The following TMEM178B variants were observed in gnomAD, a reference collection of about 807,000 sequenced individuals.
The protein encoded by TMEM178B is transmembrane protein 178B.
A neutral mutation model predicts 31.0 loss-of-function variants in TMEM178B; 5 were observed. The ratio of observed to expected loss-of-function variants is 0.16; its 90% confidence interval spans 0.08 to 0.34. TMEM178B has a LOEUF of 0.34. Among genes scored for constraint, TMEM178B ranks in the 10% least tolerant of loss-of-function variants. The pLI is 1.00. For synonymous variants in TMEM178B, 164 were observed against 164.0 expected (o/e 1.00, Z 0.00); for missense variants, 275 against 400.3 (o/e 0.69, Z 2.67).
chr7:141,192,942 A>G (rs951761324), intron 1 of TMEM178B, among the ~76,000 whole-genome samples: 4 of 152,174 alleles, frequency 2.6e-5, no homozygotes, highest in African/African-American at 9.7e-5. Context: ...TATTTTAAAA[A>G]TCTTAATGTA....
chr7:141,424,564 T>C (rs758056903), intron 2 of TMEM178B, among the ~76,000 whole-genome samples: 1 of 152,196 alleles, frequency 6.6e-6, no homozygotes, highest in African/African-American at 2.4e-5. Context: ...TGGAATTTTT[T>C]AAAAACAATA....
intron 1 of TMEM178B, among the ~76,000 whole-genome samples, chr7:141,090,492 C>G (rs1794864613): frequency 6.6e-6 from 1 of 152,234 alleles, no homozygotes; most frequent in Non-Finnish European, 1.5e-5. Flanking sequence ...AGAGCAGCCT[C>G]CTCATATCTC....
At chr7:141,338,031 G>A (rs1353517159) in intron 2 of TMEM178B, among the ~76,000 whole-genome samples, 1 of 152,136 alleles carries the variant, frequency 6.6e-6, no homozygotes, top group East Asian at 1.9e-4. Context: ...TAGAGATGGG[G>A]TTTCACCAGG....
chr7:141,324,640 TC>T, intron 2 of TMEM178B, among the ~76,000 whole-genome samples: 1 of 151,728 alleles, frequency 6.6e-6, no homozygotes, highest in East Asian at 1.9e-4. Context: ...ACAGGTTGCC[TC>T]CCGGTTTTGA....
chr7:141,093,506 G>A (rs1223172035), intron 1 of TMEM178B, among the ~76,000 whole-genome samples: 1 of 152,220 alleles, frequency 6.6e-6, no homozygotes, highest in Non-Finnish European at 1.5e-5. Flanking sequence ...TGGGGGAGAA[G>A]TCTCACTGGG....
At chr7:141,199,453 T>G (rs768129782) in intron 1 of TMEM178B, among the ~76,000 whole-genome samples, 1 of 152,174 alleles carries the variant, frequency 6.6e-6, no homozygotes, top group Admixed American at 6.5e-5. Context: ...TCGGCATAAT[T>G]TGGGGAAGAT....
At chr7:141,396,717 G>A (rs1165487287) in intron 2 of TMEM178B, among the ~76,000 whole-genome samples, 2 of 152,184 alleles carry the variant, frequency 1.3e-5, no homozygotes, top group South Asian at 2.1e-4. Context: ...ACAGACAGTG[G>A]GCACAGTGAC....
intron 2 of TMEM178B, among the ~76,000 whole-genome samples, chr7:141,266,276 C>G (rs1453168852): frequency 6.6e-6 from 1 of 152,172 alleles, no homozygotes; most frequent in Non-Finnish European, 1.5e-5. Flanking sequence ...CAGAAGCCAC[C>G]TGGACCATGA....
chr7:141,389,938 C>T (rs1338969280), intron 2 of TMEM178B, among the ~76,000 whole-genome samples: 7 of 152,074 alleles, frequency 4.6e-5, no homozygotes, highest in Non-Finnish European at 1.0e-4. Flanking sequence ...AATGTGGCTG[C>T]TTTGGAAACC....
At chr7:141,298,478 A>G (rs1798672332) in intron 2 of TMEM178B, among the ~76,000 whole-genome samples, 1 of 152,224 alleles carries the variant, frequency 6.6e-6, no homozygotes, top group African/African-American at 2.4e-5. Flanking sequence ...TGTGAACTCC[A>G]ATAGAGTAGC....
At chr7:141,409,689 A>G (rs1430757981) in intron 2 of TMEM178B, among the ~76,000 whole-genome samples, 2 of 151,636 alleles carry the variant, frequency 1.3e-5, no homozygotes, top group Non-Finnish European at 2.9e-5. Flanking sequence ...GAGTTCCTCC[A>G]GTACGCAAAC....
chr7:141,499,059 G>T, the TMEM178B span, among the ~76,000 whole-genome samples: 1 of 152,128 alleles, frequency 6.6e-6, no homozygotes, highest in Non-Finnish European at 1.5e-5. Flanking sequence ...GCCACCATAC[G>T]CATGCACCAT....
At chr7:141,127,424 T>G (rs1219002241) in intron 1 of TMEM178B, among the ~76,000 whole-genome samples, 1 of 152,148 alleles carries the variant, frequency 6.6e-6, no homozygotes, top group Non-Finnish European at 1.5e-5. Context: ...ATCCTGGATT[T>G]GGGGTGAGCC....
At chr7:141,495,160 G>A in the TMEM178B span, among the ~76,000 whole-genome samples, 426 of 152,296 alleles carry the variant, frequency 2.8e-3, 5 homozygotes, top group African/African-American at 9.8e-3. Flanking sequence ...TCCCAAAATA[G>A]ATTTCAGAGC....
chr7:141,292,468 GCTC>G (rs1423343103), intron 2 of TMEM178B, among the ~76,000 whole-genome samples: 13 of 152,094 alleles, frequency 8.5e-5, no homozygotes. Flanking sequence ...GCCCTTGCAA[GCTC>G]ATCTCCCTGG....
intron 2 of TMEM178B, among the ~76,000 whole-genome samples, chr7:141,389,215 G>A (rs1407124547): frequency 6.6e-6 from 1 of 152,200 alleles, no homozygotes; most frequent in Non-Finnish European, 1.5e-5. Flanking sequence ...AGTACAGAAT[G>A]CATAGTAAAA....
At chr7:141,149,645 C>T (rs992534634) in intron 1 of TMEM178B, among the ~76,000 whole-genome samples, 1 of 152,068 alleles carries the variant, frequency 6.6e-6, no homozygotes, top group Non-Finnish European at 1.5e-5. Flanking sequence ...TCCTTATAAG[C>T]AGAGGGAAAT....
At chr7:141,230,976 T>G (rs1461424628) in intron 2 of TMEM178B, among the ~76,000 whole-genome samples, 1 of 152,098 alleles carries the variant, frequency 6.6e-6, no homozygotes, top group Non-Finnish European at 1.5e-5. Flanking sequence ...TCCTACTCTT[T>G]TAGATTTCTG....
chr7:141,350,249 A>G (rs555297241), intron 2 of TMEM178B, among the ~76,000 whole-genome samples: 7 of 151,986 alleles, frequency 4.6e-5, no homozygotes, highest in East Asian at 3.9e-4. Flanking sequence ...TCCTTCACCA[A>G]TGAGGCCTTC....
Sources: gnomAD v4.1 joint callset for allele counts (sites outside exome capture counted in the v4.1 genomes callset) on GRCh38, gnomAD v4.1.1 for gene constraint, MANE v1.5 for transcripts, NCBI Gene and HGNC (gene_info 2026-07-23, HGNC 2026-07-21) for gene names.